Variants in PRKN observed in about 807,000 individuals in gnomAD.
PRKN encodes E3 ubiquitin-protein ligase parkin.
In PRKN, 56 loss-of-function variants were observed where a neutral mutation model predicts 59.5. The ratio of observed to expected loss-of-function variants is 0.94; its 90% CI spans 0.76 to 1.18. The LOEUF (loss-of-function observed/expected upper bound fraction) is 1.18, where lower values mean the gene tolerates loss of function less well. Ranked by LOEUF, PRKN falls within the 50% of genes most tolerant of loss-of-function variation. PRKN has a pLI of 0.00. For synonymous variants in PRKN, 250 were observed against 222.1 expected (o/e 1.13, Z -1.12); for missense variants, 657 against 596.4 (o/e 1.10, Z -1.06).
intron 9 of PRKN, among the ~76,000 whole-genome samples, chr6:161,537,936 T>C (rs894372449): frequency 6.6e-6 from 1 of 152,188 alleles, no homozygotes; most frequent in African/African-American, 2.4e-5. Context: ...TGAGAGGAAT[T>C]GGGAAAAAAT....
In PRKN at chr6:161,508,616, G is replaced by A. The variant is rs543258169; in HGVS notation, c.1083+40238C>T. Among the ~76,000 whole-genome samples the A allele has an allele frequency of 5.3e-5, 8 of 152,074 alleles. No homozygotes were observed. In the South Asian group the frequency reaches 8.3e-4, roughly 16 times the overall value. Reference sequence around the variant, plus strand: ...GTCCCTTAATACACTTAATAAATCCGCCCTGAGCTCCCTTTTCCTCAGACT... The same window carrying A: ...GTCCCTTAATACACTTAATAAATCCACCCTGAGCTCCCTTTTCCTCAGACT... On this transcript the variant is annotated intron_variant, in intron 9 of 11. Transcript: ENST00000366898.
At chr6:162,441,606 C>T (rs535095736) in intron 2 of PRKN, among the ~76,000 whole-genome samples, 16 of 152,214 alleles carry the variant, frequency 1.1e-4, no homozygotes, top group African/African-American at 3.6e-4. Context: ...ATGGCAATCC[C>T]ATATGGTTCA....
chr6:161,426,212 G>C (rs1413518899), intron 9 of PRKN, among the ~76,000 whole-genome samples: 5 of 152,142 alleles, frequency 3.3e-5, no homozygotes, highest in Non-Finnish European at 5.9e-5. Context: ...ACCCAAAGGG[G>C]CGTGCTGAAG....
At chr6:162,678,064 T>G (rs932776778) in intron 1 of PRKN, among the ~76,000 whole-genome samples, 33 of 152,344 alleles carry the variant, frequency 2.2e-4, no homozygotes, top group African/African-American at 7.7e-4. Flanking sequence ...ACAGTTTATA[T>G]TCTTTTGTCT....
intron 1 of PRKN, among the ~76,000 whole-genome samples, chr6:162,659,424 C>T (rs925347196): frequency 1.6e-4 from 24 of 152,074 alleles, no homozygotes; most frequent in Admixed American, 1.2e-3. Flanking sequence ...AAGTAATGTA[C>T]CACTATAATT....
intron 9 of PRKN, among the ~76,000 whole-genome samples, chr6:161,437,656 G>C (rs997846441): frequency 2.6e-5 from 4 of 152,122 alleles, no homozygotes; most frequent in Non-Finnish European, 1.5e-5. Context: ...CCTGAGCTGG[G>C]ACAGGCTGTG....
chr6:161,563,969 A>G (rs1780545064), intron 8 of PRKN, among the ~76,000 whole-genome samples: 1 of 152,242 alleles, frequency 6.6e-6, no homozygotes, highest in African/African-American at 2.4e-5. Flanking sequence ...TTATTTACAA[A>G]TATTCTAAGA....
intron 1 of PRKN, among the ~76,000 whole-genome samples, chr6:162,533,683 T>C (rs1189732509): frequency 6.6e-6 from 1 of 151,884 alleles, no homozygotes; most frequent in Non-Finnish European, 1.5e-5. Context: ...TTCTATCTTA[T>C]AAAAAGAGAT....
intron 3 of PRKN, among the ~76,000 whole-genome samples, chr6:162,233,736 T>C (rs979383254): frequency 2.0e-5 from 3 of 152,156 alleles, no homozygotes; most frequent in Non-Finnish European, 4.4e-5. Context: ...TAATTTTAAG[T>C]GGGGCATTTG....
At chr6:162,313,786 C>T (rs916226576) in intron 2 of PRKN, among the ~76,000 whole-genome samples, 4 of 152,032 alleles carry the variant, frequency 2.6e-5, no homozygotes, top group African/African-American at 9.7e-5. Flanking sequence ...CATGCCCAGC[C>T]GCTGCATCAG....
chr6:161,476,831 C>T (rs1231504417), intron 9 of PRKN, among the ~76,000 whole-genome samples: 1 of 152,208 alleles, frequency 6.6e-6, no homozygotes, highest in Admixed American at 6.5e-5. Context: ...TTTGCTGTCT[C>T]GCATCCTCTG....
At chr6:161,540,112 A>C (rs1045153859) in intron 9 of PRKN, among the ~76,000 whole-genome samples, 1 of 152,154 alleles carries the variant, frequency 6.6e-6, no homozygotes, top group Non-Finnish European at 1.5e-5. Context: ...GACTGGACCC[A>C]AGCACTACAT....
intron 1 of PRKN, among the ~76,000 whole-genome samples, chr6:162,640,829 C>G (rs1777929738): frequency 6.6e-6 from 1 of 152,126 alleles, no homozygotes; most frequent in East Asian, 1.9e-4. Context: ...TCTGAACTCC[C>G]CTTTGCTAAA....
chr6:161,636,182 A>C (rs1465548626), intron 7 of PRKN, among the ~76,000 whole-genome samples: 5 of 152,240 alleles, frequency 3.3e-5, no homozygotes, highest in Non-Finnish European at 1.5e-5. Flanking sequence ...TGGGCACATG[A>C]CAGCACTCAC....
intron 9 of PRKN, among the ~76,000 whole-genome samples, chr6:161,469,235 G>GAGT (rs1790642633): frequency 6.6e-6 from 1 of 152,084 alleles, no homozygotes; most frequent in East Asian, 1.9e-4. Context: ...GATAGTGAGT[G>GAGT]AGTTCTCAGA....
chr6:162,079,115 G>A (rs984580688), intron 4 of PRKN, among the ~76,000 whole-genome samples: 5 of 152,086 alleles, frequency 3.3e-5, no homozygotes, highest in Non-Finnish European at 5.9e-5. Flanking sequence ...AGCCTTTTCA[G>A]AAGCTGGATG....
At chr6:161,750,760 T>C (rs1243705442) in intron 7 of PRKN, among the ~76,000 whole-genome samples, 1 of 148,838 alleles carries the variant, frequency 6.7e-6, no homozygotes, top group African/African-American at 2.5e-5. Flanking sequence ...AGTGTGAAAC[T>C]CTTGTCTCAA....
At chr6:162,010,490 ATATAT>A (rs1424541971) in intron 5 of PRKN, among the ~76,000 whole-genome samples, 1 of 54,190 alleles carries the variant, frequency 1.8e-5, no homozygotes, top group Non-Finnish European at 3.0e-5. Context: ...TATTTATAAT[ATATAT>A]TATATAATAT....
chr6:161,490,073 A>G (rs1284574002), intron 9 of PRKN, among the ~76,000 whole-genome samples: 1 of 152,232 alleles, frequency 6.6e-6, no homozygotes, highest in African/African-American at 2.4e-5. Flanking sequence ...ATGTCTTACC[A>G]GGAGGACCTA....
Sources: gnomAD v4.1 joint callset for allele counts (sites outside exome capture counted in the v4.1 genomes callset) on GRCh38, gnomAD v4.1.1 for gene constraint, MANE v1.5 for transcripts, NCBI Gene and HGNC (gene_info 2026-07-23, HGNC 2026-07-21) for gene names.